Variants in PTPRK observed in about 807,000 individuals in gnomAD.
PTPRK encodes receptor-type tyrosine-protein phosphatase kappa.
In PTPRK, 75 loss-of-function variants were observed where a neutral mutation model predicts 178.0. That is an observed-to-expected ratio of 0.42 (90% CI 0.35 to 0.51). The LOEUF is 0.51. PTPRK is among the 20% of genes least tolerant of loss of function. PTPRK has a pLI of 0.02. For synonymous variants in PTPRK, 637 were observed against 620.6 expected (o/e 1.03, Z -0.39); for missense variants, 1,441 against 1,797.8 (o/e 0.80, Z 3.59).
At chr6:128,384,578 A>T (rs1030070765) in intron 2 of PTPRK, among the ~76,000 whole-genome samples, 3 of 152,208 alleles carry the variant, frequency 2.0e-5, no homozygotes, top group Admixed American at 2.0e-4. Context: ...CACCAGTGGA[A>T]AGAGTTTGTT....
intron 2 of PTPRK, among the ~76,000 whole-genome samples, chr6:128,344,156 C>T (rs1832073667): frequency 6.6e-6 from 1 of 152,122 alleles, no homozygotes; most frequent in African/African-American, 2.4e-5. Flanking sequence ...GTCTTCTCAC[C>T]CAAAACGAAG....
At chr6:128,375,793 T>C (rs1162931040) in intron 2 of PTPRK, among the ~76,000 whole-genome samples, 1 of 152,040 alleles carries the variant, frequency 6.6e-6, no homozygotes, top group Non-Finnish European at 1.5e-5. Flanking sequence ...AGGCATTGGG[T>C]AAATACAGCC....
At chr6:128,169,086 G>A (rs1161202283) in intron 7 of PTPRK, among the ~76,000 whole-genome samples, 1 of 151,962 alleles carries the variant, frequency 6.6e-6, no homozygotes, top group Non-Finnish European at 1.5e-5. Context: ...TCGGTTACAG[G>A]CTATACATTT....
intron 2 of PTPRK, among the ~76,000 whole-genome samples, chr6:128,343,134 C>T (rs958629239): frequency 2.0e-5 from 3 of 152,116 alleles, no homozygotes; most frequent in African/African-American, 7.2e-5. Context: ...AAGATGTCTA[C>T]TATCTTTTTA....
At chr6:128,374,291 C>G (rs534556937) in intron 2 of PTPRK, among the ~76,000 whole-genome samples, 127 of 152,230 alleles carry the variant, frequency 8.3e-4, no homozygotes, top group South Asian at 2.1e-3. Context: ...TCTATTCGTA[C>G]CTATACCATT....
chr6:128,023,218 A>T (rs542378987), intron 13 of PTPRK, among the ~76,000 whole-genome samples: 2 of 152,210 alleles, frequency 1.3e-5, no homozygotes, highest in African/African-American at 4.8e-5. Context: ...GACTATTAAC[A>T]GTTTTCCCCA....
At chr6:128,137,521 G>A (rs1357094764) in intron 7 of PTPRK, among the ~76,000 whole-genome samples, 4 of 152,062 alleles carry the variant, frequency 2.6e-5, no homozygotes, top group Non-Finnish European at 4.4e-5. Context: ...GGCAGTAAGC[G>A]ACAATCAGTC....
At chr6:128,495,863 GCAATGCACTGCATTCTCTC>G (rs577364739) in intron 1 of PTPRK, among the ~76,000 whole-genome samples, 6 of 152,246 alleles carry the variant, frequency 3.9e-5, no homozygotes, top group African/African-American at 1.2e-4. Context: ...CTCAGTTGCT[GCAATGCACTGCATTCTCTC>G]CAATGCACCG....
rs772048085 is a variant in PTPRK, at chr6:127,990,753, A to G, written c.3096+16T>C. On this transcript the variant is annotated intron_variant, in intron 21 of 29. Coordinates refer to ENST00000368226, the MANE Select transcript of PTPRK (RefSeq NM_002844.4). The stretch of plus-strand genomic sequence containing the variant: ...TTTTGATATCACTTTTTAAAATAGA[A>G]TTTTAGAGTACTTACCCTTTCCAGG... 1.3e-6 allele frequency: 2 copies of G among 1,519,330 alleles called. No individual in the cohort carries two copies. The allele number at this position is 1,519,330 out of a possible 1,614,324, so 94.1% of individuals were successfully genotyped here.
chr6:128,391,312 A>C (rs887567470), intron 2 of PTPRK, among the ~76,000 whole-genome samples: 1 of 151,986 alleles, frequency 6.6e-6, no homozygotes, highest in African/African-American at 2.4e-5. Context: ...TTACCACCAA[A>C]TCTCTCAGTT....
intron 6 of PTPRK, among the ~76,000 whole-genome samples, chr6:128,209,106 ATCATC>A (rs947026431): frequency 2.0e-5 from 3 of 151,478 alleles, no homozygotes; most frequent in Non-Finnish European, 2.9e-5. Flanking sequence ...CTTATCACTT[ATCATC>A]TCAAGTTTTT....
chr6:128,370,458 G>A (rs1438779815), intron 2 of PTPRK, among the ~76,000 whole-genome samples: 2 of 151,832 alleles, frequency 1.3e-5, no homozygotes, highest in Non-Finnish European at 2.9e-5. Flanking sequence ...TCCTTTATAG[G>A]CCTTTAGGGT....
At chr6:128,226,642 C>T (rs1270953822) in intron 5 of PTPRK, among the ~76,000 whole-genome samples, 4 of 151,654 alleles carry the variant, frequency 2.6e-5, no homozygotes, top group Non-Finnish European at 4.4e-5. Flanking sequence ...AAGGGCTTGC[C>T]CTACAGACTT....
At chr6:127,977,178 G>T in intron 25 of PTPRK, 124 bp from the exon 26 acceptor site, 3 of 924,190 alleles carry the variant, frequency 3.2e-6, no homozygotes, top group Non-Finnish European at 5.0e-6. Flanking sequence ...TGCAGAAGGA[G>T]CCAGAGTGAT....
chr6:128,229,107 T>C (rs2128278098), intron 5 of PTPRK, among the ~76,000 whole-genome samples: 1 of 151,868 alleles, frequency 6.6e-6, no homozygotes, highest in African/African-American at 2.4e-5. Flanking sequence ...TTACTAGATA[T>C]GACAGGTGGG....
intron 2 of PTPRK, among the ~76,000 whole-genome samples, chr6:128,390,840 A>G (rs1839447471): frequency 6.6e-6 from 1 of 152,082 alleles, no homozygotes; most frequent in Non-Finnish European, 1.5e-5. Context: ...GTATAGTAAA[A>G]CTCAGTAAGT....
chr6:127,996,142 C>A (rs1361815055), intron 17 of PTPRK, among the ~76,000 whole-genome samples: 2 of 151,996 alleles, frequency 1.3e-5, no homozygotes, highest in East Asian at 1.9e-4. Flanking sequence ...ATCTTGAGGA[C>A]TTACTCAGGA....
At chr6:128,447,328 C>A (rs985424227) in intron 1 of PTPRK, among the ~76,000 whole-genome samples, 4 of 152,130 alleles carry the variant, frequency 2.6e-5, no homozygotes, top group Non-Finnish European at 5.9e-5. Flanking sequence ...ATAATAATAG[C>A]TAACATATAA....
chr6:128,211,012 A>G (rs1260769784), intron 6 of PTPRK, among the ~76,000 whole-genome samples: 1 of 152,164 alleles, frequency 6.6e-6, no homozygotes, highest in Non-Finnish European at 1.5e-5. Flanking sequence ...CAGAAACTGG[A>G]GAGCAAAAGA....
Sources: allele counts gnomAD v4.1 joint callset (sites outside exome capture counted in the v4.1 genomes callset), GRCh38; gene constraint gnomAD v4.1.1; transcripts MANE v1.5; gene names NCBI Gene and HGNC (gene_info 2026-07-23, HGNC 2026-07-21).